Variants in TOP1 observed in about 807,000 individuals in gnomAD.
TOP1 encodes the protein DNA topoisomerase I.
A neutral mutation model predicts 111.1 loss-of-function variants in TOP1; 10 were observed. The ratio of observed to expected loss-of-function variants is 0.09; its 90% CI spans 0.06 to 0.15. The LOEUF is 0.15. Ranked by LOEUF, TOP1 falls within the 10% of genes least tolerant of loss-of-function variation. The pLI is 1.00. For missense variants in TOP1, 474 were observed against 926.7 expected (o/e 0.51, Z 6.34); for synonymous variants, 271 against 302.9 (o/e 0.89, Z 1.10).
chr20:41,044,855 A>C (rs1413292603), intron 2 of TOP1, among the ~76,000 whole-genome samples: 1 of 152,192 alleles, frequency 6.6e-6, no homozygotes, highest in Non-Finnish European at 1.5e-5. Flanking sequence ...CAGTGGCGCG[A>C]TCTCAGCTTA....
intron 9 of TOP1, among the ~76,000 whole-genome samples, chr20:41,096,185 G>A (rs1201664230): frequency 1.3e-5 from 2 of 152,182 alleles, no homozygotes; most frequent in Non-Finnish European, 2.9e-5. Flanking sequence ...TCATGCCTCA[G>A]CCTCCTGAGT....
intron 8 of TOP1, among the ~76,000 whole-genome samples, chr20:41,091,149 T>A (rs2033915336): frequency 1.3e-5 from 2 of 152,254 alleles, no homozygotes; most frequent in South Asian, 4.1e-4. Context: ...TATTTGATGT[T>A]TCTGAACTTT....
intron 3 of TOP1, chr20:41,072,591 C>T (rs1436198857): frequency 1.0e-6 from 1 of 985,308 alleles, no homozygotes; most frequent in Admixed American, 6.1e-5. Flanking sequence ...CTACTTCCTT[C>T]AGGCACATTC....
chr20:41,076,107 C>A, intron 3 of TOP1, 64 bp from the exon 4 acceptor site: 1 of 1,540,622 alleles, frequency 6.5e-7, no homozygotes, highest in Non-Finnish European at 8.7e-7. Context: ...CTTAGGATAT[C>A]TTGTGAAACG....
intron 4 of TOP1, 70 bp from the exon 5 acceptor site, chr20:41,077,512 T>C: frequency 1.6e-6 from 2 of 1,260,194 alleles, no homozygotes; most frequent in East Asian, 2.3e-5. Context: ...TGATGCTACA[T>C]ATTCTCAAAA....
chr20:41,039,837 G>A (rs976497627), intron 2 of TOP1, among the ~76,000 whole-genome samples: 1 of 152,066 alleles, frequency 6.6e-6, no homozygotes, highest in Non-Finnish European at 1.5e-5. Context: ...AACCCAGGAG[G>A]CGGAGCTTGC....
Position 41,029,296 on chromosome 20 carries a change from G to C in TOP1, c.34-135G>C. ...GAAGTTACAGTTCGAGGCAGGGATG[G>C]CTGCCCTCTGTGGCCACCCCCGGGT... is the stretch of plus-strand genomic sequence containing the variant. On this transcript the variant is annotated intron_variant, in intron 1 of 20. Transcript: ENST00000361337. The surrounding 1 kb of genome is among the most constrained non-coding windows in gnomAD (Gnocchi z 6.1). The C allele has an allele frequency of 1.2e-6, 1 of 844,140 alleles. No homozygotes were observed. Among genetic ancestry groups the C allele is most frequent in the Non-Finnish European group, 1.7e-6 (1 of 580,266 alleles). The allele number at this position is 844,140 out of a possible 1,614,324, so 52.3% of individuals were successfully genotyped here. A position where few individuals can be genotyped will look rare whatever the true frequency, so the allele number is the denominator to read the frequency against.
At position 41,123,778 on chromosome 20, in the gene TOP1, C is replaced by G. The variant is rs1907595220; in HGVS notation, c.*481C>G. On this transcript the variant is annotated 3_prime_UTR_variant, in exon 21 of 21. Coordinates refer to ENST00000361337, the MANE Select transcript of TOP1 (RefSeq NM_003286.4). This position sits in a 1 kb window ranked among gnomAD's most constrained non-coding sequence, Gnocchi z 5.8. Reference sequence around the variant, plus strand: ...TTTAAAATTAAGTAGAACAAAAAACCCAGCGCACCTGTTAGAGTCGTCACT... The same window carrying G: ...TTTAAAATTAAGTAGAACAAAAAACGCAGCGCACCTGTTAGAGTCGTCACT... 4.3e-6 allele frequency: 1 copy of G among 232,462 alleles called. No individual in the cohort carries two copies. The highest frequency in any genetic ancestry group is 8.5e-6 in the Non-Finnish European group (1 of 117,476). The allele number at this position is 232,462 out of a possible 1,614,324, so 14.4% of individuals were successfully genotyped here. A position where few individuals can be genotyped will look rare whatever the true frequency, so the allele number is the denominator to read the frequency against.
At chr20:41,038,097 T>C (rs1469656909) in intron 2 of TOP1, among the ~76,000 whole-genome samples, 1 of 152,166 alleles carries the variant, frequency 6.6e-6, no homozygotes, top group African/African-American at 2.4e-5. Context: ...GATTTAAAAG[T>C]CTTCAAAGCT....
chr20:41,098,242 A>G lies in TOP1; in HGVS notation c.880A>G (p.Ile294Val), dbSNP rs752415801. The G allele has an allele frequency of 6.2e-7, 1 of 1,613,950 alleles. No individual in the cohort carries two copies. ...KEMTNEEKNI[I>V]TNLSKCDFTQ... is the part of the protein sequence containing the mutation. The stretch of plus-strand genomic sequence containing the variant: ...AATGACTAATGAAGAGAAGAATATT[A>G]TCACCAACCTAAGCAAATGTGATTT... Residue 294 changes from isoleucine to valine, a missense_variant, in exon 11 of 21, where the codon ATC becomes GTC. By Grantham distance (29) the Ile-to-Val change is conservative. Transcript: ENST00000361337. The surrounding 1 kb of genome is among the most constrained non-coding windows in gnomAD (Gnocchi z 5.7).
chr20:41,029,560 A>T lies in TOP1; in HGVS notation c.58+105A>T. Reference sequence around the variant, plus strand: ...GGACAGACATGGCGTCCCAGAGACTAAGTCCCGGCTCCTCGCTCACCGGCC... The same window carrying T: ...GGACAGACATGGCGTCCCAGAGACTTAGTCCCGGCTCCTCGCTCACCGGCC... On this transcript the variant is annotated intron_variant, in intron 2 of 20. Coordinates refer to ENST00000361337, the MANE Select transcript of TOP1 (RefSeq NM_003286.4). The surrounding 1 kb of genome is among the most constrained non-coding windows in gnomAD (Gnocchi z 6.1). The T allele has an allele frequency of 1.1e-6, 1 of 901,250 alleles. No individual in the cohort carries two copies. The highest frequency in any genetic ancestry group is 1.8e-6 in the Non-Finnish European group (1 of 569,416). 55.8% of individuals were successfully genotyped at this position (901,250 alleles called of 1,614,324 possible).
At chr20:41,065,222 A>G (rs1389588310) in intron 3 of TOP1, among the ~76,000 whole-genome samples, 4 of 152,100 alleles carry the variant, frequency 2.6e-5, no homozygotes, top group African/African-American at 9.7e-5. Context: ...TTCATTTTGC[A>G]TCCTTCAGGC....
chr20:41,082,999 TTACTGTGG>T lies in TOP1; in HGVS notation c.508-1462_508-1455del, dbSNP rs2033807140. The stretch of plus-strand genomic sequence containing the variant: ...GCTGAAAGACTGAATTAATACAATC[TTACTGTGG>T]CAGGGACCCCAGATGGCAGAATCTG... On this transcript the variant is annotated intron_variant, in intron 7 of 20. Coordinates refer to ENST00000361337, the MANE Select transcript of TOP1 (RefSeq NM_003286.4). The surrounding 1 kb of genome is among the most constrained non-coding windows in gnomAD (Gnocchi z 4.1). 6.6e-6 allele frequency among the ~76,000 whole-genome samples: 1 copy of T among 152,226 alleles called. No homozygotes were observed. Among genetic ancestry groups the T allele is most frequent in the Non-Finnish European group, 1.5e-5 (1 of 68,030 alleles).
Position 41,088,941 on chromosome 20 carries a change from C to G in TOP1, c.615-3531C>G, listed in dbSNP as rs58820106. Among the ~76,000 whole-genome samples the G allele has an allele frequency of 2.5e-3, 376 of 151,814 alleles. 1 individual carries two copies. The highest frequency in any genetic ancestry group is 8.8e-3 in the African/African-American group (365 of 41,362). ...ACATTCATATTGTTGTGCACCATCA[C>G]CATCTCCAGAACTCTACATCTTGCA... On this transcript the variant is annotated intron_variant, in intron 8 of 20. Coordinates refer to ENST00000361337, the MANE Select transcript of TOP1 (RefSeq NM_003286.4).
In TOP1 at chr20:41,097,878, G is replaced by A. The variant is rs2034003951; in HGVS notation, c.853-337G>A. Among the ~76,000 whole-genome samples the A allele has an allele frequency of 6.6e-6, 1 of 152,160 alleles. No homozygotes were observed. The highest frequency in any genetic ancestry group is 6.5e-5 in the Admixed American group (1 of 15,272). On this transcript the variant is annotated intron_variant, in intron 10 of 20. Coordinates refer to ENST00000361337, the MANE Select transcript of TOP1 (RefSeq NM_003286.4). This position sits in a 1 kb window ranked among gnomAD's most constrained non-coding sequence, Gnocchi z 4.2. ...GCAGACTTAATAAATGAATAGAATAGGGGTAATGTTTCCAAGAGAGAATCA... is the reference window on the plus strand; with the variant it reads ...GCAGACTTAATAAATGAATAGAATAAGGGTAATGTTTCCAAGAGAGAATCA...
At chr20:41,040,668 TG>T (rs969742815) in intron 2 of TOP1, among the ~76,000 whole-genome samples, 10 of 152,080 alleles carry the variant, frequency 6.6e-5, no homozygotes, top group African/African-American at 2.4e-4. Flanking sequence ...TAGCTGGGCC[TG>T]GTGGCGCATG....
chr20:41,095,080 C>T lies in TOP1; in HGVS notation c.731-2140C>T, dbSNP rs560531973. On this transcript the variant is annotated intron_variant, in intron 9 of 20. Transcript: ENST00000361337. This position sits in a 1 kb window ranked among gnomAD's most constrained non-coding sequence, Gnocchi z 4.6. ...TATATTTATTTATTTGAGACAGAGT[C>T]ACACTCTGTCACCCAGGCTGGAGTG... Among the ~76,000 whole-genome samples the T allele has an allele frequency of 5.3e-5, 8 of 152,240 alleles. No individual in the cohort carries two copies. The South Asian group carries it at 1.2e-3, about 24-fold the overall frequency.
intron 2 of TOP1, among the ~76,000 whole-genome samples, chr20:41,036,642 T>G (rs2033189088): frequency 6.6e-6 from 1 of 151,960 alleles, no homozygotes; most frequent in East Asian, 1.9e-4. Context: ...TGTTAAAGTT[T>G]TAAATCTTCT....
intron 5 of TOP1, among the ~76,000 whole-genome samples, chr20:41,077,973 T>C (rs1422199378): frequency 1.4e-5 from 2 of 145,688 alleles, no homozygotes; most frequent in Non-Finnish European, 3.0e-5. Flanking sequence ...TTTTTTTTAG[T>C]ATATTCACAA....
Sources: gnomAD v4.1 joint callset for allele counts (sites outside exome capture counted in the v4.1 genomes callset) on GRCh38, gnomAD v4.1.1 for gene constraint, Gnocchi (gnomAD v3.1) non-coding constraint, MANE v1.5 for transcripts, NCBI Gene and HGNC (gene_info 2026-07-23, HGNC 2026-07-21) for gene names.